Variants in MLIP observed in about 807,000 individuals in gnomAD.
The protein encoded by MLIP is muscular LMNA interacting protein, also known as muscular LMNA-interacting protein.
In MLIP, 79 loss-of-function variants were observed where a neutral mutation model predicts 84.8. The observed-to-expected ratio is 0.93, with a 90% CI of 0.78 to 1.12. The LOEUF (loss-of-function observed/expected upper bound fraction) is 1.12, where lower values mean the gene tolerates loss of function less well. Ranked by LOEUF, MLIP falls within the 50% of genes most tolerant of loss-of-function variation. The probability of loss-of-function intolerance (pLI) is 0.00; values close to 1 mark genes in which losing one functional copy is unlikely to be tolerated. For synonymous variants in MLIP, 504 were observed against 463.0 expected (o/e 1.09, Z -1.14); for missense variants, 1,257 against 1,160.6 (o/e 1.08, Z -1.21).
chr6:54,073,711 C>G (rs573312242), intron 1 of MLIP, among the ~76,000 whole-genome samples: 89 of 152,306 alleles, frequency 5.8e-4, no homozygotes, highest in African/African-American at 2.1e-3. Flanking sequence ...GATCCTGAAA[C>G]AGACTTTGAG....
rs201382011 is a variant in MLIP, at chr6:54,084,197, TA to T, written c.64-37248del. On this transcript the variant is annotated intron_variant, in intron 1 of 12. Coordinates refer to the MLIP transcript ENST00000274897. The stretch of plus-strand genomic sequence containing the variant: ...TATCACCCCTCCCTTCTCTCTTTCC[TA>T]ACCTGGCATCCCAGTATTTGTACAC... Among the ~76,000 whole-genome samples the T allele has an allele frequency of 8.8e-3, 1,341 of 152,276 alleles. 14 individuals carry two copies. The highest frequency in any genetic ancestry group is 0.028 in the African/African-American group (1,145 of 41,568).
intron 11 of MLIP, among the ~76,000 whole-genome samples, chr6:54,203,379 A>T (rs1459750415): frequency 6.6e-6 from 1 of 152,106 alleles, no homozygotes; most frequent in Non-Finnish European, 1.5e-5. Context: ...TATAATCCAT[A>T]ATAAAATAGA....
chr6:54,266,007 G>T lies in MLIP; in HGVS notation c.*52G>T. On this transcript the variant is annotated 3_prime_UTR_variant, in exon 14 of 14. Coordinates refer to ENST00000502396, the MANE Select transcript of MLIP (RefSeq NM_001281747.2). ...GCTGCTGAAGTTTTTTGGAATGCTG[G>T]TGCTAACCACTTGCTAGATTTAACT... The T allele has an allele frequency of 1.3e-6, 2 of 1,593,474 alleles. No homozygotes were observed. Among genetic ancestry groups the T allele is most frequent in the South Asian group, 1.1e-5 (1 of 88,566 alleles).
At chr6:54,027,799 C>T (rs1763905652) in intron 1 of MLIP, among the ~76,000 whole-genome samples, 1 of 152,188 alleles carries the variant, frequency 6.6e-6, no homozygotes, top group Non-Finnish European at 1.5e-5. Context: ...AAAGCAGTGT[C>T]TGCTGATAAT....
chr6:54,038,066 G>A (rs1207083179), intron 1 of MLIP, among the ~76,000 whole-genome samples: 1 of 151,876 alleles, frequency 6.6e-6, no homozygotes, highest in Non-Finnish European at 1.5e-5. Flanking sequence ...TTTACCACGG[G>A]TAGGATCAGG....
chr6:54,035,914 G>A (rs1400596384), intron 1 of MLIP, among the ~76,000 whole-genome samples: 1 of 151,998 alleles, frequency 6.6e-6, no homozygotes, highest in Non-Finnish European at 1.5e-5. Context: ...CTACCAGGTT[G>A]TAGCATGTCT....
At position 54,263,935 on chromosome 6, in the gene MLIP, C is replaced by T. The variant is rs185177274; in HGVS notation, c.2977-2015C>T. ...ATTCTCACTTTTCTTACATGTTCAC[C>T]TTTGTTATTCCCAAGTTTTTTAGCT... is the stretch of plus-strand genomic sequence containing the variant. On this transcript the variant is annotated intron_variant, in intron 13 of 13. Coordinates refer to ENST00000502396, the MANE Select transcript of MLIP (RefSeq NM_001281747.2). Among the ~76,000 whole-genome samples the T allele has an allele frequency of 3.3e-4, 50 of 152,082 alleles. 1 individual carries two copies. Among genetic ancestry groups the T allele is most frequent in the African/African-American group, 1.1e-3 (45 of 41,510 alleles).
At chr6:54,036,026 G>A (rs1384480865) in intron 1 of MLIP, among the ~76,000 whole-genome samples, 1 of 151,786 alleles carries the variant, frequency 6.6e-6, no homozygotes, top group Non-Finnish European at 1.5e-5. Context: ...TTGGTATCAA[G>A]TATAAGAACT....
intron 5 of MLIP, among the ~76,000 whole-genome samples, chr6:54,152,751 TTTC>T (rs1479942770): frequency 6.6e-6 from 1 of 152,200 alleles, no homozygotes; most frequent in Non-Finnish European, 1.5e-5. Flanking sequence ...TTGACTAGTT[TTTC>T]TTCTTATCAT....
At chr6:54,033,267 A>ATTT (rs1190645133) in intron 1 of MLIP, among the ~76,000 whole-genome samples, 2 of 141,074 alleles carry the variant, frequency 1.4e-5, no homozygotes, top group African/African-American at 5.2e-5. Context: ...GGAGGAACTA[A>ATTT]TTTTTTTTTT....
At chr6:54,030,670 A>G (rs1423142413) in intron 1 of MLIP, 1 of 152,062 alleles carries the variant, frequency 6.6e-6, no homozygotes, top group Non-Finnish European at 1.5e-5. Flanking sequence ...CTAGGAAAGC[A>G]ACACTTCCAA....
intron 2 of MLIP, 88 bp from the exon 3 acceptor site, chr6:54,124,385 A>G (rs1770723758): frequency 1.3e-5 from 16 of 1,203,024 alleles, no homozygotes; most frequent in Non-Finnish European, 1.7e-5. Context: ...TGAAAATATA[A>G]GGAGGTTAAG....
intron 12 of MLIP, among the ~76,000 whole-genome samples, chr6:54,233,631 A>G (rs548297832): frequency 1.2e-4 from 18 of 152,328 alleles, no homozygotes; most frequent in African/African-American, 3.8e-4. Flanking sequence ...TAGTGCTGCA[A>G]TAAACATATG....
intron 11 of MLIP, among the ~76,000 whole-genome samples, chr6:54,205,638 G>A (rs1227444616): frequency 1.3e-5 from 2 of 152,110 alleles, no homozygotes; most frequent in African/African-American, 4.8e-5. Flanking sequence ...CTGAAAATTT[G>A]CCTGGAAACA....
At chr6:54,198,866 A>T (rs1241000357) in intron 10 of MLIP, among the ~76,000 whole-genome samples, 2 of 132,846 alleles carry the variant, frequency 1.5e-5, no homozygotes, top group African/African-American at 5.3e-5. Flanking sequence ...GGTGGTGAAG[A>T]GGTGTGTGTG....
chr6:54,085,715 A>G (rs1031685525), intron 1 of MLIP, among the ~76,000 whole-genome samples: 2 of 152,182 alleles, frequency 1.3e-5, no homozygotes, highest in Admixed American at 6.5e-5. Flanking sequence ...CATTCCTTTG[A>G]AAAGGTCACT....
At chr6:54,171,178 T>C (rs956790245) in intron 9 of MLIP, among the ~76,000 whole-genome samples, 1 of 151,572 alleles carries the variant, frequency 6.6e-6, no homozygotes, top group Non-Finnish European at 1.5e-5. Context: ...AGTTAGAAAT[T>C]ATTTCAAAGT....
intron 1 of MLIP, among the ~76,000 whole-genome samples, chr6:54,043,940 T>C (rs943431060): frequency 6.6e-6 from 1 of 152,154 alleles, no homozygotes; most frequent in Admixed American, 6.6e-5. Flanking sequence ...GAAGGTTGAC[T>C]GGAGTGGGGT....
chr6:54,103,270 A>G (rs1768784633), intron 1 of MLIP, among the ~76,000 whole-genome samples: 1 of 152,176 alleles, frequency 6.6e-6, no homozygotes, highest in African/African-American at 2.4e-5. Flanking sequence ...AAAATAACAT[A>G]TGTCATGCCA....
Sources: allele counts gnomAD v4.1 joint callset (sites outside exome capture counted in the v4.1 genomes callset), GRCh38; gene constraint gnomAD v4.1.1; transcripts MANE v1.5; gene names NCBI Gene and HGNC (gene_info 2026-07-23, HGNC 2026-07-21).